SLC35A3: variants seen among roughly 807,000 people sequenced by gnomAD.
SLC35A3 encodes the protein UDP-N-acetylglucosamine transporter.
SLC35A3 carries 26 observed loss-of-function variants against 39.0 expected under a neutral mutation model. The observed-to-expected ratio is 0.67, with a 90% confidence interval of 0.49 to 0.92. SLC35A3 has a LOEUF of 0.92. Among genes scored for constraint, SLC35A3 ranks in the 40% least tolerant of loss-of-function variants. The pLI, the probability that SLC35A3 is intolerant of heterozygous loss-of-function variation, is 0.00. For synonymous variants in SLC35A3, 135 were observed against 133.1 expected (o/e 1.01, Z -0.10); for missense variants, 299 against 371.6 (o/e 0.80, Z 1.61).
chr1:99,997,410 T>TTTTA lies in SLC35A3; in HGVS notation c.188-1850_188-1849insTTAT, dbSNP rs1658470104. Among the ~76,000 whole-genome samples the TTTTA allele has an allele frequency of 1.3e-4, 12 of 92,102 alleles. No individual in the cohort carries two copies. The South Asian group carries it at 2.5e-3, about 19-fold the overall frequency. 60.4% of individuals were successfully genotyped at this position (92,102 alleles called of 152,430 possible). On this transcript the variant is annotated intron_variant, in intron 2 of 7. Transcript: ENST00000533028. The stretch of plus-strand genomic sequence containing the variant: ...ACAGTTATATGTTTTATATATAGTT[T>TTTTA]TATATATATATATATATATATATAT...
At chr1:99,970,796 A>G (rs1166835622) in intron 1 of SLC35A3, among the ~76,000 whole-genome samples, 3 of 152,186 alleles carry the variant, frequency 2.0e-5, no homozygotes, top group Non-Finnish European at 4.4e-5. Context: ...CGTTTTTGAA[A>G]TCAACATTCG....
rs1557855755 is a variant in SLC35A3 at position 100,031,786 on chromosome 1, TA to T, written c.*9312del. ...TTTGGAACGAGGGTAAAATCAAGGTTAATGCTTTGTATTTGATTGTCTCCTT... is the reference window on the plus strand; with the variant it reads ...TTTGGAACGAGGGTAAAATCAAGGTTATGCTTTGTATTTGATTGTCTCCTT... On this transcript the variant is annotated 3_prime_UTR_variant, in exon 8 of 8. Coordinates refer to ENST00000533028, the MANE Select transcript of SLC35A3 (RefSeq NM_012243.3). 6.6e-6 allele frequency: 1 copy of T among 152,182 alleles called. No homozygotes were observed. Among genetic ancestry groups the T allele is most frequent in the Non-Finnish European group, 1.5e-5 (1 of 68,026 alleles). The allele number at this position is 152,182 out of a possible 1,614,324, so 9.4% of individuals were successfully genotyped here.
intron 1 of SLC35A3, among the ~76,000 whole-genome samples, chr1:99,981,729 C>CTGA (rs1657459183): frequency 2.0e-5 from 3 of 152,108 alleles, no homozygotes; most frequent in Admixed American, 2.0e-4. Flanking sequence ...GATCCGCTCA[C>CTGA]CTCAGCCTCC....
intron 1 of SLC35A3, among the ~76,000 whole-genome samples, chr1:99,971,174 G>A (rs1240170523): frequency 6.6e-6 from 1 of 152,084 alleles, no homozygotes; most frequent in African/African-American, 2.4e-5. Context: ...AATACGCAGT[G>A]ACTCTCGATC....
intron 1 of SLC35A3, among the ~76,000 whole-genome samples, chr1:99,986,003 A>G (rs950576607): frequency 1.3e-5 from 2 of 152,132 alleles, no homozygotes; most frequent in Non-Finnish European, 2.9e-5. Flanking sequence ...GTATACAATC[A>G]TATTATCAGC....
rs1313850639 is a variant in SLC35A3, at chr1:100,022,879, C to T, written c.*403C>T. The T allele has an allele frequency of 6.5e-6, 1 of 153,224 alleles. No homozygotes were observed. Among genetic ancestry groups the T allele is most frequent in the African/African-American group, 2.4e-5 (1 of 41,448 alleles). The allele number at this position is 153,224 out of a possible 1,614,324, so 9.5% of individuals were successfully genotyped here. On this transcript the variant is annotated 3_prime_UTR_variant, in exon 8 of 8. Transcript: ENST00000533028. The stretch of plus-strand genomic sequence containing the variant: ...CTTTCTGTACAGATATATCAAATCA[C>T]ATGAAATATTTAAAGTTTGAAAATT...
intron 6 of SLC35A3, among the ~76,000 whole-genome samples, chr1:100,017,360 C>T (rs1438352429): frequency 6.6e-6 from 1 of 152,110 alleles, no homozygotes; most frequent in East Asian, 1.9e-4. Flanking sequence ...AGTGACCAGT[C>T]CTCTTACATT....
chr1:100,005,749 C>T (rs1384660771), intron 3 of SLC35A3, among the ~76,000 whole-genome samples: 1 of 151,908 alleles, frequency 6.6e-6, no homozygotes, highest in Non-Finnish European at 1.5e-5. Flanking sequence ...AATTGTTCTC[C>T]TATTTTGTTT....
intron 1 of SLC35A3, among the ~76,000 whole-genome samples, chr1:99,988,778 T>C (rs1272047897): frequency 6.6e-6 from 1 of 151,598 alleles, no homozygotes; most frequent in East Asian, 1.9e-4. Flanking sequence ...CCTATACTCT[T>C]TTTATTTGAG....
chr1:99,978,827 C>T (rs1182920533), intron 1 of SLC35A3: 1 of 152,182 alleles, frequency 6.6e-6, no homozygotes, highest in African/African-American at 2.4e-5. Flanking sequence ...GTTCTATGTA[C>T]TCTTCGGTAA....
At position 100,034,134 on chromosome 1, in the gene SLC35A3, T is replaced by G; in HGVS notation, c.*11658T>G. The G allele has an allele frequency of 6.6e-6, 1 of 152,200 alleles. No individual in the cohort carries two copies. The highest frequency in any genetic ancestry group is 2.4e-5 in the African/African-American group (1 of 41,460). The allele number at this position is 152,200 out of a possible 1,614,324, so 9.4% of individuals were successfully genotyped here. A position where few individuals can be genotyped will look rare whatever the true frequency, so the allele number is the denominator to read the frequency against. On this transcript the variant is annotated 3_prime_UTR_variant, in exon 8 of 8. Coordinates refer to ENST00000533028, the MANE Select transcript of SLC35A3 (RefSeq NM_012243.3). The stretch of plus-strand genomic sequence containing the variant: ...GTGGCACCACTTGATTTTTTTCCCT[T>G]TTGGAAATGACATTTTGTTTGTTGT...
intron 1 of SLC35A3, among the ~76,000 whole-genome samples, chr1:99,983,933 T>C (rs1399590034): frequency 6.6e-6 from 1 of 152,184 alleles, no homozygotes; most frequent in Admixed American, 6.5e-5. Context: ...TATTTTTTTA[T>C]TTTATTTTAC....
chr1:99,994,368 A>G (rs966179745), intron 2 of SLC35A3, among the ~76,000 whole-genome samples: 3 of 152,086 alleles, frequency 2.0e-5, no homozygotes, highest in African/African-American at 7.2e-5. Context: ...TCTAAATTTT[A>G]TCTAAAATTT....
At chr1:99,991,559 A>C (rs1011706644) in intron 1 of SLC35A3, among the ~76,000 whole-genome samples, 1 of 152,148 alleles carries the variant, frequency 6.6e-6, no homozygotes, top group African/African-American at 2.4e-5. Flanking sequence ...TTGTATTTCC[A>C]TATGATTTTA....
intron 1 of SLC35A3, chr1:99,970,369 T>G: frequency 1.7e-6 from 1 of 596,588 alleles, no homozygotes; most frequent in South Asian, 2.0e-5. Context: ...ACGTTGTAAC[T>G]CCGACGGACG....
At chr1:100,003,436 AAAAG>A (rs1310301498) in intron 3 of SLC35A3, among the ~76,000 whole-genome samples, 9 of 151,830 alleles carry the variant, frequency 5.9e-5, no homozygotes, top group African/African-American at 2.2e-4. Context: ...AAAAAAAAAA[AAAAG>A]AGAAGAGGAA....
intron 1 of SLC35A3, among the ~76,000 whole-genome samples, chr1:99,978,572 CAA>C (rs1052109463): frequency 2.0e-5 from 3 of 151,988 alleles, no homozygotes; most frequent in African/African-American, 7.2e-5. Flanking sequence ...AATAATAAAA[CAA>C]ATTGATGTTT....
chr1:99,970,434 T>G, intron 1 of SLC35A3: 1 of 734,276 alleles, frequency 1.4e-6, no homozygotes, highest in Non-Finnish European at 2.2e-6. Context: ...GAGGGGTGTG[T>G]CAAGCGAATG....
At chr1:99,988,683 A>G (rs779681812) in intron 1 of SLC35A3, among the ~76,000 whole-genome samples, 13 of 100,018 alleles carry the variant, frequency 1.3e-4, no homozygotes, top group Non-Finnish European at 2.3e-4. Context: ...ATCCTTTCCT[A>G]CCTTCCCTTT....
Sources: allele counts gnomAD v4.1 joint callset (sites outside exome capture counted in the v4.1 genomes callset), GRCh38; gene constraint gnomAD v4.1.1; transcripts MANE v1.5; gene names NCBI Gene and HGNC (gene_info 2026-07-23, HGNC 2026-07-21).